The following SLC2A13 variants were observed in gnomAD, a reference collection of about 807,000 sequenced individuals.
The protein encoded by SLC2A13 is solute carrier family 2 member 13.
A neutral mutation model predicts 64.4 loss-of-function variants in SLC2A13; 32 were observed. That is an observed-to-expected ratio of 0.50 (90% CI 0.37 to 0.67). The LOEUF (loss-of-function observed/expected upper bound fraction) is 0.67. SLC2A13 is among the 30% of genes least tolerant of loss of function. SLC2A13 has a pLI of 0.00. For synonymous variants in SLC2A13, 338 were observed against 327.1 expected (o/e 1.03, Z -0.36); for missense variants, 743 against 829.2 (o/e 0.90, Z 1.28).
At chr12:40,048,561 T>G (rs1188265507) in intron 1 of SLC2A13, among the ~76,000 whole-genome samples, 2 of 152,180 alleles carry the variant, frequency 1.3e-5, no homozygotes, top group African/African-American at 4.8e-5. Context: ...TGAAATATTT[T>G]TAGTCTATAT....
intron 4 of SLC2A13, among the ~76,000 whole-genome samples, chr12:39,903,446 C>G (rs1945189578): frequency 6.6e-6 from 1 of 152,156 alleles, no homozygotes; most frequent in Admixed American, 6.6e-5. Context: ...GTGATTCTGG[C>G]CCCCCAGTAT....
At chr12:39,822,041 G>A (rs1384041193) in intron 7 of SLC2A13, among the ~76,000 whole-genome samples, 1 of 150,876 alleles carries the variant, frequency 6.6e-6, no homozygotes, top group Non-Finnish European at 1.5e-5. Context: ...CTAGCATTAG[G>A]TATATCTCCC....
intron 7 of SLC2A13, among the ~76,000 whole-genome samples, chr12:39,785,105 G>T (rs1342739332): frequency 6.6e-6 from 1 of 152,192 alleles, no homozygotes; most frequent in Non-Finnish European, 1.5e-5. Context: ...GTAGCAAGGG[G>T]CCTAATGTGA....
intron 4 of SLC2A13, among the ~76,000 whole-genome samples, chr12:39,889,812 G>A (rs1944559600): frequency 2.6e-5 from 4 of 152,050 alleles, no homozygotes; most frequent in Admixed American, 2.6e-4. Flanking sequence ...TTACAGGTGT[G>A]AGCCACCAGG....
intron 1 of SLC2A13, among the ~76,000 whole-genome samples, chr12:40,100,946 C>G (rs1445736921): frequency 1.1e-5 from 1 of 92,472 alleles, no homozygotes; most frequent in Non-Finnish European, 1.9e-5. Context: ...GCCTGGGCGA[C>G]AAGAGTGAAG....
At chr12:39,809,558 A>T (rs965502805) in intron 7 of SLC2A13, among the ~76,000 whole-genome samples, 1 of 152,184 alleles carries the variant, frequency 6.6e-6, no homozygotes, top group African/African-American at 2.4e-5. Context: ...CACAACGTGC[A>T]GGTTTGTTAC....
chr12:39,934,738 T>C (rs909862737), intron 4 of SLC2A13, among the ~76,000 whole-genome samples: 2 of 152,246 alleles, frequency 1.3e-5, no homozygotes, highest in African/African-American at 2.4e-5. Flanking sequence ...TTTTCTATAT[T>C]TTCTGGTACT....
intron 3 of SLC2A13, among the ~76,000 whole-genome samples, chr12:40,026,990 G>T (rs949430117): frequency 1.3e-4 from 19 of 151,556 alleles, no homozygotes; most frequent in Non-Finnish European, 2.6e-4. Flanking sequence ...CGAGGCAGGA[G>T]AATCACTTGA....
chr12:39,781,393 C>CT (rs1445526022), intron 7 of SLC2A13, among the ~76,000 whole-genome samples: 2 of 6,098 alleles, frequency 3.3e-4, no homozygotes, highest in South Asian at 7.4e-3. Flanking sequence ...TCTGGCCTGC[C>CT]CCCTCCAGCC....
intron 7 of SLC2A13, among the ~76,000 whole-genome samples, chr12:39,819,459 C>T (rs1471220598): frequency 6.6e-6 from 1 of 152,106 alleles, no homozygotes; most frequent in Non-Finnish European, 1.5e-5. Context: ...TTACTACAAA[C>T]TTTTATTTAT....
intron 4 of SLC2A13, among the ~76,000 whole-genome samples, chr12:39,918,694 G>A (rs10506138): frequency 0.1 from 15,144 of 151,762 alleles, 932 homozygotes; most frequent in Admixed American, 0.15. Context: ...ATACAAAATA[G>A]GATGGTGAGT....
intron 3 of SLC2A13, among the ~76,000 whole-genome samples, chr12:39,972,055 T>C (rs1239227924): frequency 5.1e-5 from 6 of 117,616 alleles, no homozygotes; most frequent in African/African-American, 1.8e-4. Context: ...ATATATAATA[T>C]ATAAAAATTA....
At chr12:39,930,443 A>AGAATGTGT (rs1318754060) in intron 4 of SLC2A13, among the ~76,000 whole-genome samples, 1 of 152,236 alleles carries the variant, frequency 6.6e-6, no homozygotes, top group Non-Finnish European at 1.5e-5. Context: ...AGGGGCAGGA[A>AGAATGTGT]GAATGTGTGA....
At chr12:39,875,629 G>A (rs937803325) in intron 4 of SLC2A13, among the ~76,000 whole-genome samples, 1 of 152,198 alleles carries the variant, frequency 6.6e-6, no homozygotes, top group African/African-American at 2.4e-5. Context: ...AGGAATGAAA[G>A]ACAAGGACAT....
chr12:40,103,366 C>A (rs1939206190), intron 1 of SLC2A13, among the ~76,000 whole-genome samples: 1 of 152,198 alleles, frequency 6.6e-6, no homozygotes, highest in Non-Finnish European at 1.5e-5. Context: ...TTGGAGATAA[C>A]TGTACCCCCT....
chr12:39,782,087 G>A (rs771577392), intron 7 of SLC2A13, among the ~76,000 whole-genome samples: 1 of 152,196 alleles, frequency 6.6e-6, no homozygotes, highest in Non-Finnish European at 1.5e-5. Flanking sequence ...ATGCCTAGAA[G>A]TAAGACCAAA....
rs756589740 is a variant in SLC2A13 at position 39,943,131 on chromosome 12, G to A, written c.1034+8126C>T. Among the ~76,000 whole-genome samples the A allele has an allele frequency of 2.6e-5, 4 of 152,126 alleles. No individual in the cohort carries two copies. In the East Asian group the frequency reaches 5.8e-4, roughly 22 times the overall value. On this transcript the variant is annotated intron_variant, in intron 4 of 9. Coordinates refer to ENST00000280871, the MANE Select transcript of SLC2A13 (RefSeq NM_052885.4). ...GCCTGTTCCTTCCTCTGGAAGCTTC[G>A]TCCCAGAGGGGCACCTGCCAGATGC... is the stretch of plus-strand genomic sequence containing the variant.
At chr12:39,966,689 T>C (rs537246964) in intron 3 of SLC2A13, among the ~76,000 whole-genome samples, 22 of 152,186 alleles carry the variant, frequency 1.4e-4, no homozygotes, top group South Asian at 4.1e-4. Flanking sequence ...TCCATTCTGA[T>C]GGCCATAGCA....
chr12:39,814,201 C>G (rs1012601808), intron 7 of SLC2A13, among the ~76,000 whole-genome samples: 2 of 152,112 alleles, frequency 1.3e-5, no homozygotes, highest in Non-Finnish European at 2.9e-5. Context: ...GTAGATTGTA[C>G]TGCTGGAGTT....
Sources: allele counts gnomAD v4.1 joint callset (sites outside exome capture counted in the v4.1 genomes callset), GRCh38; gene constraint gnomAD v4.1.1; transcripts MANE v1.5; gene names NCBI Gene and HGNC (gene_info 2026-07-23, HGNC 2026-07-21).